FBXO46: variants seen among roughly 807,000 people sequenced by gnomAD.
FBXO46 encodes F-box protein 46.
In FBXO46, 13 loss-of-function variants were observed where a neutral mutation model predicts 30.7. The observed-to-expected ratio is 0.42, with a 90% CI of 0.28 to 0.67. FBXO46 has a LOEUF of 0.67. Among genes scored for constraint, FBXO46 ranks in the 30% least tolerant of loss-of-function variants. The pLI is 0.21. For missense variants in FBXO46, 754 were observed against 871.5 expected (o/e 0.87, Z 1.70); for synonymous variants, 467 against 385.8 (o/e 1.21, Z -2.47).
rs1201834698 is a variant in FBXO46 at position 45,712,572 on chromosome 19, T to C, written c.924A>G (p.Leu308=). The C allele has an allele frequency of 5.6e-6, 9 of 1,594,506 alleles. No individual in the cohort carries two copies. The highest frequency in any genetic ancestry group is 7.7e-6 in the Non-Finnish European group (9 of 1,169,552). Residue 308 remains leucine, a synonymous_variant, in exon 2 of 2, where the codon TTA becomes TTG. Transcript: ENST00000317683. The surrounding 1 kb of genome is among the most constrained non-coding windows in gnomAD (Gnocchi z 8.8). The part of the protein sequence containing the change: ...ARAKDKITCD[L]YQLISPSRDA... The stretch of plus-strand genomic sequence containing the variant: ...CCCGCGAGGGGCTGATGAGCTGGTA[T>C]AAGTCACATGTGATCTTGTCCTTGG...
intron 1 of FBXO46, among the ~76,000 whole-genome samples, chr19:45,726,434 G>A (rs1402713754): frequency 6.6e-6 from 1 of 152,014 alleles, no homozygotes; most frequent in East Asian, 1.9e-4. Flanking sequence ...GATCACTTGA[G>A]GCCAGGAGTT....
At chr19:45,719,016 G>T (rs114823842) in intron 1 of FBXO46, among the ~76,000 whole-genome samples, 1 of 151,384 alleles carries the variant, frequency 6.6e-6, no homozygotes, top group Non-Finnish European at 1.5e-5. Context: ...GGAGGCAGAG[G>T]GGGGACACAA....
chr19:45,712,148 G>A lies in FBXO46; in HGVS notation c.1348C>T (p.Arg450Trp). The change falls in exon 2 of 2, where the codon CGG (arginine) becomes TGG (tryptophan). Residue 450 changes from arginine to tryptophan, a missense_variant. Arg to Trp is a moderately radical substitution (Grantham distance 101). This residue lies in a region of FBXO46 where 162 missense variants were observed against 258.7 expected (regional missense o/e 0.63). Transcript: ENST00000317683. This position sits in a 1 kb window ranked among gnomAD's most constrained non-coding sequence, Gnocchi z 8.8. ...TCTAGGAAGTCGTGCGACACGTGCC[G>A]GTACAAGCGGCACAGGGAGGTGTCC... Reference protein sequence around the residue: ...TADTSLCRLYRHVSHDFLEIR... With the variant: ...TADTSLCRLYWHVSHDFLEIR... 1 of 1,594,184 alleles carries A rather than the reference G, an allele frequency of 6.3e-7. No homozygotes were observed. Among genetic ancestry groups the A allele is most frequent in the Non-Finnish European group, 8.5e-7 (1 of 1,171,092 alleles).
At chr19:45,722,659 G>T (rs1439423402) in intron 1 of FBXO46, among the ~76,000 whole-genome samples, 2 of 152,156 alleles carry the variant, frequency 1.3e-5, no homozygotes, top group East Asian at 3.9e-4. Flanking sequence ...CTACTCAGGA[G>T]GCTGAGGCAG....
chr19:45,712,473 G>A lies in FBXO46; in HGVS notation c.1023C>T (p.Pro341=), dbSNP rs1281190128. ...DEASEGDSPA[P]ARPEDTPPAP... is the part of the protein sequence containing the mutation. ...CCGGGGGAGTGTCCTCAGGCCTGGC[G>A]GGTGCCGGGCTGTCACCCTCACTGG... is the stretch of plus-strand genomic sequence containing the variant. Residue 341 remains proline, a synonymous_variant, in exon 2 of 2, where the codon CCC becomes CCT. Transcript: ENST00000317683. The surrounding 1 kb of genome is among the most constrained non-coding windows in gnomAD (Gnocchi z 8.8). 7 of 1,608,496 alleles carry A rather than the reference G, an allele frequency of 4.4e-6. No individual in the cohort carries two copies. The highest frequency in any genetic ancestry group is 5.9e-6 in the Non-Finnish European group (7 of 1,177,338).
upstream of FBXO46, among the ~76,000 whole-genome samples, chr19:45,731,836 G>A (rs1454315219): frequency 6.6e-6 from 1 of 151,620 alleles, no homozygotes; most frequent in Non-Finnish European, 1.5e-5. Context: ...AATAAAAGAA[G>A]GCCGGGCGCG....
chr19:45,728,264 A>G (rs1968264654), intron 1 of FBXO46, among the ~76,000 whole-genome samples: 1 of 152,232 alleles, frequency 6.6e-6, no homozygotes, highest in South Asian at 2.1e-4. Flanking sequence ...CAGAAGTCGT[A>G]ATTGGATTTA....
At chr19:45,733,115 CTCTCTCTCTTCCT>C (rs1968349896), upstream of FBXO46, 1 of 152,190 alleles carries the variant, frequency 6.6e-6, no homozygotes, top group Admixed American at 6.5e-5. The surrounding 1 kb of genome is among the most constrained non-coding windows in gnomAD (Gnocchi z 5.7). Context: ...CGAGCTCGCT[CTCTCTCTCTTCCT>C]GAGAGTTGGC....
Position 45,712,087 on chromosome 19 carries a change from C to T in FBXO46, c.1409G>A (p.Arg470Gln), listed in dbSNP as rs745581898. 8 of 1,605,896 alleles carry T rather than the reference C, an allele frequency of 5.0e-6. No homozygotes were observed. The highest frequency in any genetic ancestry group is 1.7e-5 in the Admixed American group (1 of 58,816). Residue 470 changes from arginine to glutamine, a missense_variant, in exon 2 of 2, where the codon CGA becomes CAA. By Grantham distance (43) the Arg-to-Gln change is conservative (BLOSUM62 1). Transcript: ENST00000317683. This position sits in a 1 kb window ranked among gnomAD's most constrained non-coding sequence, Gnocchi z 8.8. ...CTCGGGCAGCAGCAGCATGTACTGTCGCGGCTCCAGCAGCCGCTGAATCTT... is the reference window on the plus strand; with the variant it reads ...CTCGGGCAGCAGCAGCATGTACTGTTGCGGCTCCAGCAGCCGCTGAATCTT... ...RFKIQRLLEP[R>Q]QYMLLLPEHV...
At position 45,724,640 on chromosome 19, in the gene FBXO46, C is replaced by T. The variant is rs371132600; in HGVS notation, c.-79+6209G>A. Among the ~76,000 whole-genome samples the T allele has an allele frequency of 1.4e-4, 21 of 151,872 alleles. No homozygotes were observed. The East Asian group carries it at 2.5e-3, about 18-fold the overall frequency. On this transcript the variant is annotated intron_variant, in intron 1 of 1. Coordinates refer to ENST00000317683, the MANE Select transcript of FBXO46 (RefSeq NM_001080469.2). ...TGGGCAATATAGCAAGACCCTGTCTCTACAAAAAAAAAATTTCTTATTTTT... is the reference window on the plus strand; with the variant it reads ...TGGGCAATATAGCAAGACCCTGTCTTTACAAAAAAAAAATTTCTTATTTTT...
Position 45,713,196 on chromosome 19 carries a change from C to T in FBXO46, c.300G>A (p.Lys100=), listed in dbSNP as rs1198584476. The part of the protein sequence containing the change: ...YVIKPGNTKE[K]VAFFVAHQCG... Reference sequence around the variant, plus strand: ...ACTGGTGGGCCACAAAGAAGGCCACCTTCTCCTTTGTATTCCCGGGCTTGA... The same window carrying T: ...ACTGGTGGGCCACAAAGAAGGCCACTTTCTCCTTTGTATTCCCGGGCTTGA... The change falls in exon 2 of 2, where the codon AAG becomes AAA. Residue 100 remains lysine, a synonymous_variant. Coordinates refer to ENST00000317683, the MANE Select transcript of FBXO46 (RefSeq NM_001080469.2). This position sits in a 1 kb window ranked among gnomAD's most constrained non-coding sequence, Gnocchi z 4.7. The T allele has an allele frequency of 1.9e-6, 3 of 1,613,922 alleles. No homozygotes were observed. The highest frequency in any genetic ancestry group is 2.5e-6 in the Non-Finnish European group (3 of 1,179,862).
chr19:45,729,597 C>T (rs1968282143), intron 1 of FBXO46, among the ~76,000 whole-genome samples: 1 of 152,244 alleles, frequency 6.6e-6, no homozygotes. Flanking sequence ...AGCCAGGCTG[C>T]CAAGATCGGA....
intron 1 of FBXO46, among the ~76,000 whole-genome samples, chr19:45,726,081 C>T (rs1339336778): frequency 6.6e-6 from 1 of 152,102 alleles, no homozygotes; most frequent in Non-Finnish European, 1.5e-5. Context: ...GTGGCTCATG[C>T]CTGTAATTTC....
intron 1 of FBXO46, among the ~76,000 whole-genome samples, chr19:45,722,304 A>G (rs1968183628): frequency 6.6e-6 from 1 of 152,190 alleles, no homozygotes; most frequent in Admixed American, 6.5e-5. Context: ...GACAGGAACC[A>G]GACAGGGCCT....
rs187543120 is a variant in FBXO46, at chr19:45,712,887, G to T, written c.609C>A (p.Ser203=). ...CCTTGGCCGGTCCACCTTGCTCGGC[G>T]GACACAAAGACTACAGGCGCTGGGG... is the stretch of plus-strand genomic sequence containing the variant. The part of the protein sequence containing the change: ...PTTPAPVVFV[S]AEQGGPAKGV... The change falls in exon 2 of 2, where the codon TCC becomes TCA. Residue 203 remains serine (S), a synonymous_variant. Coordinates refer to ENST00000317683, the MANE Select transcript of FBXO46 (RefSeq NM_001080469.2). This position sits in a 1 kb window ranked among gnomAD's most constrained non-coding sequence, Gnocchi z 8.8. 1 of 1,613,346 alleles carries T rather than the reference G, an allele frequency of 6.2e-7. No individual in the cohort carries two copies.
chr19:45,731,503 A>C (rs1236098596), upstream of FBXO46, among the ~76,000 whole-genome samples: 1 of 150,968 alleles, frequency 6.6e-6, no homozygotes, highest in African/African-American at 2.4e-5. Context: ...TTTTAGTAAA[A>C]ACGGAGTTTC....
intron 1 of FBXO46, among the ~76,000 whole-genome samples, chr19:45,726,724 C>T (rs779784655): frequency 6.6e-6 from 1 of 152,082 alleles, no homozygotes; most frequent in Non-Finnish European, 1.5e-5. Flanking sequence ...TTCCACTGAT[C>T]CTGCCACCCT....
rs748139561 is a variant in FBXO46, at chr19:45,711,784, C to A, written c.1712G>T (p.Arg571Leu). Residue 571 changes from arginine to leucine, a missense_variant, in exon 2 of 2, where the codon CGC (arginine) becomes CTC (leucine). Arg to Leu is a moderately radical substitution (Grantham distance 102). This residue lies in a region of FBXO46 where 162 missense variants were observed against 258.7 expected (regional missense o/e 0.63). Transcript: ENST00000317683. ...GCCCAGGCGGCAGCCGGGAGTCTCG[C>A]GGTCGGCTCGACGGCAGCACATCCA... ...SYWMCCRRAD[R>L]ETPGCRLGLH... 1 of 1,604,942 alleles carries A rather than the reference C, an allele frequency of 6.2e-7. No individual in the cohort carries two copies. Among genetic ancestry groups the A allele is most frequent in the South Asian group, 1.1e-5 (1 of 90,252 alleles).
intron 1 of FBXO46, among the ~76,000 whole-genome samples, chr19:45,727,696 A>G (rs1485863936): frequency 1.3e-5 from 2 of 152,334 alleles, no homozygotes; most frequent in East Asian, 3.9e-4. Context: ...TTACTATCAC[A>G]GCCAATGAAT....
Sources: allele counts gnomAD v4.1 joint callset (sites outside exome capture counted in the v4.1 genomes callset), GRCh38; gene constraint gnomAD v4.1.1; regional missense constraint gnomAD v4.1.1; non-coding constraint Gnocchi (gnomAD v3.1); transcripts MANE v1.5; gene names NCBI Gene and HGNC (gene_info 2026-07-23, HGNC 2026-07-21).